Variants in MUC17 observed in about 807,000 individuals in gnomAD.
MUC17 encodes the protein mucin-17.
A neutral mutation model predicts 170.3 loss-of-function variants in MUC17; 190 were observed. The observed-to-expected ratio is 1.12, with a 90% CI of 0.99 to 1.26. The LOEUF is 1.26. Ranked by LOEUF, MUC17 falls within the 50% of genes most tolerant of loss-of-function variation. The pLI is 0.00. For synonymous variants in MUC17, 2,325 were observed against 2,002.5 expected (o/e 1.16, Z -4.30); for missense variants, 6,415 against 5,530.0 (o/e 1.16, Z -5.08).
chr7:101,056,250 C>G lies in MUC17; in HGVS notation c.13420C>G (p.His4474Asp). ...TAGTAATTTCCAGCCCTCCTTGAGA[C>G]ACATAGACCCTGAAACAAAGGTAAG... is the stretch of plus-strand genomic sequence containing the variant. ...IYSNFQPSLRHIDPETKIRIQ... is the reference protein window; with the variant it reads ...IYSNFQPSLRDIDPETKIRIQ... The change falls in exon 12 of 13, where the codon CAC (histidine) becomes GAC (aspartate). Residue 4474 changes from histidine (H) to aspartate (D), a missense_variant. By Grantham distance (81) the His-to-Asp change is moderately conservative. Coordinates refer to ENST00000306151, the MANE Select transcript of MUC17 (RefSeq NM_001040105.2). 1 of 1,613,950 alleles carries G rather than the reference C, an allele frequency of 6.2e-7. No individual in the cohort carries two copies.
chr7:101,037,936 G>T lies in MUC17; in HGVS notation c.6520G>T (p.Ala2174Ser). 6.2e-7 allele frequency: 1 copy of T among 1,612,208 alleles called. No homozygotes were observed. The highest frequency in any genetic ancestry group is 8.5e-7 in the Non-Finnish European group (1 of 1,178,666). The stretch of plus-strand genomic sequence containing the variant: ...TATGCCTGTCAGCACCACAGTGGTG[G>T]CCAGTTCTGCAATCAGCACCCTTTC... The part of the protein sequence containing the change: ...TSMPVSTTVV[A>S]SSAISTLSTT... The change falls in exon 3 of 13, where the codon GCC (alanine) becomes TCC (serine). Residue 2174 changes from alanine to serine, a missense_variant. Ala to Ser is a moderately conservative substitution (Grantham distance 99). Transcript: ENST00000306151.
chr7:101,035,795 T>C lies in MUC17; in HGVS notation c.4379T>C (p.Ile1460Thr), dbSNP rs1364880303. The C allele has an allele frequency of 3.1e-6, 5 of 1,607,788 alleles. No homozygotes were observed. The highest frequency in any genetic ancestry group is 1.3e-5 in the African/African-American group (1 of 74,860). Residue 1460 changes from isoleucine (I) to threonine (T), a missense_variant, in exon 3 of 13, where the codon ATA (isoleucine) becomes ACA (threonine). By Grantham distance (89) the Ile-to-Thr change is moderately conservative (BLOSUM62 -1). Transcript: ENST00000306151. ...GAAGGAAAGACTCCATTAAAAAGTA[T>C]ACCTGTCAGCAACACGCCGGTGGCC... is the stretch of plus-strand genomic sequence containing the variant. ...PSEGKTPLKSIPVSNTPVANS... is the reference protein window; with the variant it reads ...PSEGKTPLKSTPVSNTPVANS...
At chr7:101,045,081 T>C (rs574510646) in intron 3 of MUC17, among the ~76,000 whole-genome samples, 1 of 152,224 alleles carries the variant, frequency 6.6e-6, no homozygotes, top group East Asian at 1.9e-4. Context: ...TATTATAATA[T>C]CCTGTATATT....
rs140816230 is a variant in MUC17 at position 101,041,047 on chromosome 7, A to G, written c.9631A>G (p.Ser3211Gly). The change falls in exon 3 of 13, where the codon AGC becomes GGC. Residue 3211 changes from serine to glycine, a missense_variant. Transcript: ENST00000306151. ...ATSSTTAEGT[S>G]IPTSTPSEGM... ...TTCATCTACAACTGCTGAAGGTACC[A>G]GCATTCCAACCTCAACTCCTAGTGA... 11 of 1,613,994 alleles carry G rather than the reference A, an allele frequency of 6.8e-6. No homozygotes were observed. The highest frequency in any genetic ancestry group is 8.5e-6 in the Non-Finnish European group (10 of 1,179,990).
intron 1 of MUC17, 41 bp downstream of exon 1, chr7:101,020,258 C>A (rs901699547): frequency 1.3e-6 from 2 of 1,535,146 alleles, no homozygotes; most frequent in Non-Finnish European, 1.8e-6. Flanking sequence ...AGGCCCCCAT[C>A]CCAGGGGCCA....
intron 3 of MUC17, among the ~76,000 whole-genome samples, chr7:101,046,364 A>C (rs1270183699): frequency 1.3e-5 from 2 of 152,204 alleles, no homozygotes; most frequent in Admixed American, 1.3e-4. Context: ...AAGAAAAGCC[A>C]AAGAAAACAG....
In MUC17 at chr7:101,036,544, C is replaced by T; in HGVS notation, c.5128C>T (p.Leu1710Phe). 6.2e-7 allele frequency: 1 copy of T among 1,611,346 alleles called. No individual in the cohort carries two copies. The highest frequency in any genetic ancestry group is 8.5e-7 in the Non-Finnish European group (1 of 1,178,414). ...GGTGGCCAGCTCTGCAATCAGCACC[C>T]TTTCAACAACTCCCGTTGACAACAG... ...TPVASSAIST[L>F]STTPVDNSTP... Residue 1710 changes from leucine (L) to phenylalanine (F), a missense_variant, in exon 3 of 13, where the codon CTT (leucine) becomes TTT (phenylalanine). Physicochemically the swap from Leu to Phe is conservative, Grantham distance 22 (BLOSUM62 0). Coordinates refer to ENST00000306151, the MANE Select transcript of MUC17 (RefSeq NM_001040105.2).
chr7:101,044,342 A>G (rs1298959978), intron 3 of MUC17, among the ~76,000 whole-genome samples: 1 of 152,234 alleles, frequency 6.6e-6, no homozygotes, highest in Non-Finnish European at 1.5e-5. Context: ...AAAGTGGGCA[A>G]AGGATAAGAA....
intron 1 of MUC17, among the ~76,000 whole-genome samples, chr7:101,027,188 A>AATTAT (rs1289329566): frequency 2.6e-5 from 4 of 152,092 alleles, no homozygotes; most frequent in Admixed American, 1.3e-4. Context: ...AATAAAAAGA[A>AATTAT]ATTATATTAT....
chr7:101,049,376 A>C lies in MUC17; in HGVS notation c.12716A>C (p.Lys4239Thr). The C allele has an allele frequency of 6.2e-7, 1 of 1,612,600 alleles. No individual in the cohort carries two copies. The change falls in exon 6 of 13, where the codon AAG becomes ACG. Residue 4239 changes from lysine to threonine, a missense_variant. By Grantham distance (78) the Lys-to-Thr change is moderately conservative. Coordinates refer to ENST00000306151, the MANE Select transcript of MUC17 (RefSeq NM_001040105.2). ...GAGTATGTCGGGGTGAACATCACAA[A>C]GCTACGGTAAGTGTCTGGGCCCTTG... Reference protein sequence around the residue: ...IPEYVGVNITKLRLGSVVVEH... With the variant: ...IPEYVGVNITTLRLGSVVVEH...
rs201551273 is a variant in MUC17 at position 101,033,962 on chromosome 7, C to T, written c.2546C>T (p.Pro849Leu). 150 of 1,605,228 alleles carry T rather than the reference C, an allele frequency of 9.3e-5. No homozygotes were observed. In the African/African-American group the frequency reaches 1.6e-3, roughly 18 times the overall value. ...TSTEVSSSPTPAEGTSMPTST... is the reference protein window; with the variant it reads ...TSTEVSSSPTLAEGTSMPTST... ...ACTGAAGTCAGTTCATCTCCTACAC[C>T]TGCTGAAGGTACCAGCATGCCAACC... The change falls in exon 3 of 13, where the codon CCT becomes CTT. Residue 849 changes from proline (P) to leucine (L), a missense_variant. Transcript: ENST00000306151.
Position 101,033,971 on chromosome 7 carries a change from G to T in MUC17, c.2555G>T (p.Gly852Val). The T allele has an allele frequency of 6.2e-7, 1 of 1,602,770 alleles. No individual in the cohort carries two copies. The highest frequency in any genetic ancestry group is 1.7e-4 in the Middle Eastern group (1 of 5,992). The change falls in exon 3 of 13, where the codon GGT (glycine) becomes GTT (valine). Residue 852 changes from glycine to valine, a missense_variant. By Grantham distance (109) the Gly-to-Val change is moderately radical. Coordinates refer to ENST00000306151, the MANE Select transcript of MUC17 (RefSeq NM_001040105.2). ...AGTTCATCTCCTACACCTGCTGAAG[G>T]TACCAGCATGCCAACCTCAACTTAT... is the stretch of plus-strand genomic sequence containing the variant. ...EVSSSPTPAE[G>V]TSMPTSTYSE...
rs139140935 is a variant in MUC17 at position 101,032,287 on chromosome 7, G to T, written c.871G>T (p.Glu291Ter). ...PLSVMLVVSSEASTLSTTPAA... is the reference protein window; with the variant it reads ...PLSVMLVVSS ...CAGCGTGATGCTGGTGGTCAGTTCT[G>T]AGGCTAGCACCCTTTCAACAACTCC... is the stretch of plus-strand genomic sequence containing the variant. The change falls in exon 3 of 13, where the codon GAG becomes TAG. Residue 291 changes from glutamate to a stop codon, truncating the protein, a stop_gained. Transcript: ENST00000306151. LOFTEE classifies it high-confidence loss of function. The T allele has an allele frequency of 6.8e-6, 11 of 1,613,804 alleles. No individual in the cohort carries two copies. Among genetic ancestry groups the T allele is most frequent in the Non-Finnish European group, 9.3e-6 (11 of 1,179,902 alleles).
rs143102281 is a variant in MUC17 at position 101,040,257 on chromosome 7, C to A, written c.8841C>A (p.Thr2947=). The A allele has an allele frequency of 6.2e-4, 1,004 of 1,610,616 alleles. 6 individuals are homozygous for A. The African/African-American group carries it at 0.01, about 16-fold the overall frequency. Residue 2947 remains threonine, a synonymous_variant, in exon 3 of 13, where the codon ACC becomes ACA. Transcript: ENST00000306151. ...CAGTGGCCGGTTCTGAGGCTAGCAC[C>A]CTTTCAACAACTCCTGTTGACACCA... The part of the protein sequence containing the change: ...TVPVAGSEAS[T]LSTTPVDTRT...
chr7:101,040,839 A>G lies in MUC17; in HGVS notation c.9423A>G (p.Glu3141=). Residue 3141 remains glutamate, a synonymous_variant, in exon 3 of 13, where the codon GAA becomes GAG. Transcript: ENST00000306151. ...DTSTPVTTST[E]AHSSPTTSEG... is the part of the protein sequence containing the mutation. ...GCACACCTGTGACCACTTCTACTGA[A>G]GCCCATTCATCTCCTACAACTTCTG... The G allele has an allele frequency of 1.2e-6, 2 of 1,613,812 alleles. No homozygotes were observed. Among genetic ancestry groups the G allele is most frequent in the Non-Finnish European group, 1.7e-6 (2 of 1,179,926 alleles).
In MUC17 at chr7:101,031,456, G is replaced by A. The variant is rs539996459; in HGVS notation, c.185-145G>A. The A allele has an allele frequency of 1.3e-5, 14 of 1,075,470 alleles. No homozygotes were observed. In the East Asian group the frequency reaches 3.7e-4, roughly 28 times the overall value. The allele number at this position is 1,075,470 out of a possible 1,614,324, so 66.6% of individuals were successfully genotyped here. A position where few individuals can be genotyped will look rare whatever the true frequency, so the allele number is the denominator to read the frequency against. On this transcript the variant is annotated intron_variant, in intron 2 of 12. Transcript: ENST00000306151. ...GAAGGCAGGAGAGACTAACACACTGGAGAAACTAATTCCACTTCTTCCTGA... is the reference window on the plus strand; with the variant it reads ...GAAGGCAGGAGAGACTAACACACTGAAGAAACTAATTCCACTTCTTCCTGA...
intron 11 of MUC17, among the ~76,000 whole-genome samples, chr7:101,054,724 T>C (rs1795017339): frequency 6.6e-6 from 1 of 151,812 alleles, no homozygotes; most frequent in Non-Finnish European, 1.5e-5. Flanking sequence ...GGAGGCTGAG[T>C]CAGGAGGATC....
chr7:101,038,833 G>T lies in MUC17; in HGVS notation c.7417G>T (p.Ala2473Ser). The change falls in exon 3 of 13, where the codon GCT (alanine) becomes TCT (serine). Residue 2473 changes from alanine to serine, a missense_variant. Ala to Ser is a moderately conservative substitution (Grantham distance 99, BLOSUM62 1). Transcript: ENST00000306151. ...VSTTPVVSSE[A>S]GTLSTTPVDT... ...CACCACGCCGGTGGTCAGTTCTGAG[G>T]CTGGCACCCTTTCCACAACTCCTGT... 1.9e-6 allele frequency: 3 copies of T among 1,612,584 alleles called. No individual in the cohort carries two copies. The highest frequency in any genetic ancestry group is 2.5e-6 in the Non-Finnish European group (3 of 1,179,416).
In MUC17 at chr7:101,039,832, A is replaced by C. The variant is rs771206055; in HGVS notation, c.8416A>C (p.Ser2806Arg). 1 of 1,609,666 alleles carries C rather than the reference A, an allele frequency of 6.2e-7. No homozygotes were observed. The highest frequency in any genetic ancestry group is 1.7e-5 in the Admixed American group (1 of 59,512). Residue 2806 changes from serine (S) to arginine (R), a missense_variant, in exon 3 of 13, where the codon AGT becomes CGT. Transcript: ENST00000306151. Reference sequence around the variant, plus strand: ...TACCAGCATGCCAACCTCAACTCCTAGTGAAACAAGTACTCCATTAACTAG... The same window carrying C: ...TACCAGCATGCCAACCTCAACTCCTCGTGAAACAAGTACTCCATTAACTAG... ...EVTSMPTSTP[S>R]ETSTPLTSMP...
Sources: gnomAD v4.1 joint callset for allele counts (sites outside exome capture counted in the v4.1 genomes callset) on GRCh38, gnomAD v4.1.1 for gene constraint, MANE v1.5 for transcripts, NCBI Gene and HGNC (gene_info 2026-07-23, HGNC 2026-07-21) for gene names.